The following RERE variants were observed in gnomAD, a reference collection of about 807,000 sequenced individuals.
RERE encodes arginine-glutamic acid dipeptide repeats protein.
In RERE, 40 loss-of-function variants were observed where a neutral mutation model predicts 146.1. The ratio of observed to expected loss-of-function variants is 0.27; its 90% CI spans 0.21 to 0.36. RERE has a LOEUF of 0.36. Ranked by LOEUF, RERE falls within the 10% of genes least tolerant of loss-of-function variation. The probability of loss-of-function intolerance (pLI) is 1.00; values close to 1 mark genes in which losing one functional copy is unlikely to be tolerated. For synonymous variants in RERE, 1,003 were observed against 866.0 expected (o/e 1.16, Z -2.78); for missense variants, 1,933 against 2,138.7 (o/e 0.90, Z 1.90).
chr1:8,614,303 T>C (rs951215971), intron 4 of RERE, among the ~76,000 whole-genome samples: 1 of 151,996 alleles, frequency 6.6e-6, no homozygotes, highest in African/African-American at 2.4e-5. Context: ...CAGCTCCTGC[T>C]CCTTGCAGCA....
At chr1:8,498,728 T>TACACACACACAC (rs1216791448) in intron 8 of RERE, among the ~76,000 whole-genome samples, 4 of 11,404 alleles carry the variant, frequency 3.5e-4, no homozygotes, top group African/African-American at 1.0e-3. Flanking sequence ...AAAAAATAAA[T>TACACACACACAC]ATATACACAC....
At chr1:8,408,897 T>C (rs1643533979) in intron 12 of RERE, among the ~76,000 whole-genome samples, 1 of 152,126 alleles carries the variant, frequency 6.6e-6, no homozygotes, top group Non-Finnish European at 1.5e-5. Context: ...ATACAACGCC[T>C]GAGAATGCTG....
chr1:8,602,259 C>T (rs1422035655), intron 4 of RERE, among the ~76,000 whole-genome samples: 2 of 151,744 alleles, frequency 1.3e-5, no homozygotes, highest in East Asian at 1.9e-4. Flanking sequence ...GGCGTGGTGG[C>T]GGGCGCCTGT....
intron 4 of RERE, among the ~76,000 whole-genome samples, chr1:8,604,758 A>G (rs1646681677): frequency 6.6e-6 from 1 of 152,060 alleles, no homozygotes. Context: ...GCATTTACGA[A>G]CTTGCCAAAA....
intron 12 of RERE, among the ~76,000 whole-genome samples, chr1:8,374,978 C>T (rs1219481155): frequency 6.6e-6 from 1 of 152,176 alleles, no homozygotes; most frequent in East Asian, 1.9e-4. Flanking sequence ...CCCTTCACTT[C>T]ACTCCCCCAC....
chr1:8,412,475 CT>C (rs1182449240), intron 12 of RERE, among the ~76,000 whole-genome samples: 1 of 152,240 alleles, frequency 6.6e-6, no homozygotes, highest in Non-Finnish European at 1.5e-5. Context: ...TCCACCTCCC[CT>C]GGCTCTCACC....
At chr1:8,555,100 C>T (rs79106143) in intron 6 of RERE, among the ~76,000 whole-genome samples, 3 of 152,332 alleles carry the variant, frequency 2.0e-5, no homozygotes, top group South Asian at 2.1e-4. Context: ...AACCTAACTA[C>T]ATCCATGCCA....
At chr1:8,740,530 C>T (rs1640286809) in intron 1 of RERE, among the ~76,000 whole-genome samples, 1 of 152,126 alleles carries the variant, frequency 6.6e-6, no homozygotes, top group South Asian at 2.1e-4. Flanking sequence ...AACTTTTTTA[C>T]TTTATAAACC....
intron 4 of RERE, among the ~76,000 whole-genome samples, chr1:8,568,096 G>A (rs543709749): frequency 1.3e-5 from 2 of 152,284 alleles, no homozygotes; most frequent in Non-Finnish European, 2.9e-5. Flanking sequence ...CTCAATGTAG[G>A]TGGGACAGCA....
At chr1:8,428,872 T>C (rs570143965) in intron 11 of RERE, among the ~76,000 whole-genome samples, 2 of 152,336 alleles carry the variant, frequency 1.3e-5, no homozygotes, top group African/African-American at 2.4e-5. Context: ...ATGCTATTGC[T>C]TGAGCCCACC....
chr1:8,521,147 T>C (rs934433026), intron 7 of RERE, among the ~76,000 whole-genome samples: 1 of 102,054 alleles, frequency 9.8e-6, no homozygotes, highest in African/African-American at 4.0e-5. Context: ...CCCAATATTA[T>C]AAATTATGGA....
At chr1:8,710,261 T>TG (rs1272642982) in intron 1 of RERE, among the ~76,000 whole-genome samples, 4 of 152,190 alleles carry the variant, frequency 2.6e-5, no homozygotes, top group Non-Finnish European at 5.9e-5. Flanking sequence ...CCCTAAGTCC[T>TG]GGGGGGACTG....
intron 6 of RERE, among the ~76,000 whole-genome samples, chr1:8,541,594 TAAAC>T (rs1645801542): frequency 6.6e-6 from 1 of 152,110 alleles, no homozygotes. Context: ...GAAAGAATAT[TAAAC>T]AAAGTAGAAA....
At chr1:8,495,498 G>T (rs917883692) in intron 9 of RERE, among the ~76,000 whole-genome samples, 6 of 152,182 alleles carry the variant, frequency 3.9e-5, no homozygotes, top group African/African-American at 7.2e-5. Context: ...TTTTAGTAGA[G>T]ACAAGGTTTC....
chr1:8,694,607 A>T (rs1407819040), intron 1 of RERE, among the ~76,000 whole-genome samples: 1 of 152,022 alleles, frequency 6.6e-6, no homozygotes, highest in African/African-American at 2.4e-5. Context: ...AAAAATACAA[A>T]AATTAGCCGG....
At chr1:8,436,808 C>A (rs1025476247) in intron 11 of RERE, among the ~76,000 whole-genome samples, 1 of 152,116 alleles carries the variant, frequency 6.6e-6, no homozygotes, top group Non-Finnish European at 1.5e-5. Context: ...CATTCTTTTT[C>A]TTCCTGCTCA....
At chr1:8,418,701 C>T (rs1643843942) in intron 12 of RERE, among the ~76,000 whole-genome samples, 1 of 152,178 alleles carries the variant, frequency 6.6e-6, no homozygotes. Context: ...TTGAAGAAAA[C>T]TGCAATGTAT....
chr1:8,427,283 A>G (rs963341171), intron 11 of RERE, among the ~76,000 whole-genome samples: 4 of 152,128 alleles, frequency 2.6e-5, no homozygotes, highest in Non-Finnish European at 5.9e-5. Flanking sequence ...CATGATGCCA[A>G]ACTCTCCTAG....
rs565587799 is a variant in RERE at position 8,356,381 on chromosome 1, C to G, written c.4340-135G>C. On this transcript the variant is annotated intron_variant, in intron 20 of 22. Transcript: ENST00000400908. This position sits in a 1 kb window ranked among gnomAD's most constrained non-coding sequence, Gnocchi z 5.2. The stretch of plus-strand genomic sequence containing the variant: ...CACCAGGGCTGGATGCACCACCTGG[C>G]TACAGGTGGCCCTGCCCCAAAGTGG... 1.9e-6 allele frequency: 2 copies of G among 1,028,920 alleles called. No individual in the cohort carries two copies. Among genetic ancestry groups the G allele is most frequent in the Admixed American group, 8.4e-5 (2 of 23,776 alleles). The allele number at this position is 1,028,920 out of a possible 1,614,324, so 63.7% of individuals were successfully genotyped here.
Sources: allele counts gnomAD v4.1 joint callset (sites outside exome capture counted in the v4.1 genomes callset), GRCh38; gene constraint gnomAD v4.1.1; non-coding constraint Gnocchi (gnomAD v3.1); transcripts MANE v1.5; gene names NCBI Gene and HGNC (gene_info 2026-07-23, HGNC 2026-07-21).